Variants in DTNB observed in about 807,000 individuals in gnomAD.
The protein encoded by DTNB is dystrobrevin beta.
A neutral mutation model predicts 90.7 loss-of-function variants in DTNB; 63 were observed. The ratio of observed to expected loss-of-function variants is 0.69; its 90% confidence interval spans 0.57 to 0.86. DTNB has a LOEUF of 0.86. DTNB is among the 40% of genes least tolerant of loss of function. The pLI is 0.00. For synonymous variants in DTNB, 277 were observed against 286.7 expected, an observed-to-expected ratio of 0.97 and a Z score of 0.34; for missense variants, 744 against 807.1, an observed-to-expected ratio of 0.92 and a Z score of 0.95.
intron 10 of DTNB, among the ~76,000 whole-genome samples, chr2:25,476,045 A>G (rs1165891098): frequency 1.3e-5 from 2 of 151,402 alleles, no homozygotes; most frequent in Non-Finnish European, 2.9e-5. Context: ...TCCATCCTGC[A>G]GCCCCTGGAT....
intron 19 of DTNB, 103 bp downstream of exon 19, chr2:25,383,733 G>A (rs2038584134): frequency 2.5e-6 from 4 of 1,609,234 alleles, no homozygotes; most frequent in Non-Finnish European, 2.5e-6. Context: ...AAAGCTCTGG[G>A]AAAGGTGGTG....
chr2:25,543,062 A>G (rs895712775), intron 8 of DTNB, among the ~76,000 whole-genome samples: 1 of 152,196 alleles, frequency 6.6e-6, no homozygotes, highest in Non-Finnish European at 1.5e-5. Flanking sequence ...TTGATAAACC[A>G]TCTCTGGTAA....
chr2:25,568,909 C>T (rs868438358), intron 8 of DTNB, among the ~76,000 whole-genome samples: 13 of 152,216 alleles, frequency 8.5e-5, no homozygotes, highest in African/African-American at 2.7e-4. Context: ...CTCCTCCCAC[C>T]GCCTGGGGTG....
intron 4 of DTNB, among the ~76,000 whole-genome samples, chr2:25,627,759 C>A (rs1424412555): frequency 5.1e-5 from 7 of 138,212 alleles, no homozygotes; most frequent in African/African-American, 1.9e-4. Context: ...TTTTTTAAGA[C>A]AATGTCTCGC....
In DTNB at chr2:25,387,607, A is replaced by G. The variant is rs1247084868; in HGVS notation, c.1736-229T>C. ...CTACCTAGGGAGCAGCATCCTGTCA[A>G]CTCCACGCTTTGCCGCCACCACACA... On this transcript the variant is annotated intron_variant, in intron 17 of 20. Coordinates refer to ENST00000406818, the MANE Select transcript of DTNB (RefSeq NM_021907.5). This position sits in a 1 kb window ranked among gnomAD's most constrained non-coding sequence, Gnocchi z 4.5. Among the ~76,000 whole-genome samples, 3 of 151,674 alleles carry G rather than the reference A, an allele frequency of 2.0e-5. No individual in the cohort carries two copies. The highest frequency in any genetic ancestry group is 4.4e-5 in the Non-Finnish European group (3 of 67,852).
intron 8 of DTNB, among the ~76,000 whole-genome samples, chr2:25,546,872 A>G (rs149419853): frequency 6.6e-6 from 1 of 151,860 alleles, no homozygotes; most frequent in Non-Finnish European, 1.5e-5. Flanking sequence ...TGGAGACAGA[A>G]TCCTGCTCTG....
Position 25,541,747 on chromosome 2 carries a change from C to A in DTNB, c.877-10150G>T, listed in dbSNP as rs1184622682. ...AGTGTACAAACATCTCTTTGAGACC[C>A]TGCTTTCAATTCTTTTGGTTATATA... On this transcript the variant is annotated intron_variant, in intron 8 of 20. Transcript: ENST00000406818. Among the ~76,000 whole-genome samples, 6 of 152,190 alleles carry A rather than the reference C, an allele frequency of 3.9e-5. No homozygotes were observed. In the East Asian group the frequency reaches 1.2e-3, roughly 29 times the overall value.
intron 3 of DTNB, among the ~76,000 whole-genome samples, chr2:25,632,836 G>A (rs1409555639): frequency 6.6e-6 from 1 of 152,062 alleles, no homozygotes; most frequent in East Asian, 1.9e-4. Context: ...ATCTACAAAG[G>A]ACTTGCCACA....
intron 14 of DTNB, among the ~76,000 whole-genome samples, chr2:25,431,288 G>A (rs182316033): frequency 4.6e-5 from 7 of 151,408 alleles, no homozygotes; most frequent in Middle Eastern, 3.2e-3. Context: ...CGCAACCTCC[G>A]CCTCCCAGGT....
chr2:25,600,122 C>G (rs1289175131), intron 5 of DTNB, among the ~76,000 whole-genome samples: 1 of 152,070 alleles, frequency 6.6e-6, no homozygotes, highest in African/African-American at 2.4e-5. Context: ...AGCTGCTAGT[C>G]TTACAAGGAG....
intron 8 of DTNB, among the ~76,000 whole-genome samples, chr2:25,554,000 T>C (rs1045261896): frequency 2.0e-5 from 3 of 152,084 alleles, no homozygotes; most frequent in Non-Finnish European, 4.4e-5. Context: ...ACTGACACAT[T>C]ACTAGATCTG....
chr2:25,514,668 CT>C (rs1467499770), intron 9 of DTNB, among the ~76,000 whole-genome samples: 1 of 140,978 alleles, frequency 7.1e-6, no homozygotes, highest in Non-Finnish European at 1.5e-5. Flanking sequence ...AAAGAAACAT[CT>C]TTGAAAAAAA....
intron 10 of DTNB, among the ~76,000 whole-genome samples, chr2:25,457,809 C>T (rs1250873645): frequency 1.3e-5 from 2 of 152,080 alleles, no homozygotes; most frequent in Non-Finnish European, 2.9e-5. Flanking sequence ...GCTTAGAAAG[C>T]GTAGCATTCC....
At chr2:25,530,018 T>C (rs1433277982) in intron 9 of DTNB, among the ~76,000 whole-genome samples, 1 of 152,188 alleles carries the variant, frequency 6.6e-6, no homozygotes, top group Non-Finnish European at 1.5e-5. Context: ...GTTTTTAAAA[T>C]ATTATTTAAA....
intron 8 of DTNB, among the ~76,000 whole-genome samples, chr2:25,544,209 T>C (rs925306524): frequency 2.0e-5 from 3 of 152,184 alleles, no homozygotes; most frequent in African/African-American, 7.2e-5. Flanking sequence ...GAGGGACAGA[T>C]TCCAAAGTGG....
At chr2:25,466,958 C>T (rs536663143) in intron 10 of DTNB, among the ~76,000 whole-genome samples, 10 of 152,312 alleles carry the variant, frequency 6.6e-5, no homozygotes, top group African/African-American at 2.4e-4. Context: ...TCAAAGTGAT[C>T]TCTAATGTAC....
intron 4 of DTNB, among the ~76,000 whole-genome samples, chr2:25,610,036 A>G (rs2068168520): frequency 6.6e-6 from 1 of 152,226 alleles, no homozygotes; most frequent in Non-Finnish European, 1.5e-5. Context: ...AGATGTCATA[A>G]GTTACTGTTT....
At chr2:25,572,362 G>A (rs2059997309) in intron 8 of DTNB, among the ~76,000 whole-genome samples, 1 of 151,942 alleles carries the variant, frequency 6.6e-6, no homozygotes, top group South Asian at 2.1e-4. Context: ...AGCAACTCAG[G>A]AGGCTGAGGC....
intron 15 of DTNB, among the ~76,000 whole-genome samples, chr2:25,421,848 T>C (rs1457980612): frequency 1.3e-5 from 2 of 152,284 alleles, no homozygotes; most frequent in South Asian, 2.1e-4. Flanking sequence ...TTTAAGTTTG[T>C]CAGAAGAGAA....
Sources: gnomAD v4.1 joint callset for allele counts (sites outside exome capture counted in the v4.1 genomes callset) on GRCh38, gnomAD v4.1.1 for gene constraint, Gnocchi (gnomAD v3.1) non-coding constraint, MANE v1.5 for transcripts, NCBI Gene and HGNC (gene_info 2026-07-23, HGNC 2026-07-21) for gene names.